The following COL24A1 variants were observed in gnomAD, a reference collection of about 807,000 sequenced individuals.
The protein encoded by COL24A1 is collagen type XXIV alpha 1 chain.
COL24A1 carries 224 observed loss-of-function variants against 253.9 expected under a neutral mutation model. That is an observed-to-expected ratio of 0.88 (90% confidence interval 0.79 to 0.99). The LOEUF is 0.99. COL24A1 is among the 50% of genes least tolerant of loss of function. The pLI, the probability that COL24A1 is intolerant of heterozygous loss-of-function variation, is 0.00. For synonymous variants in COL24A1, 685 were observed against 673.7 expected, an observed-to-expected ratio of 1.02 and a Z score of -0.26; for missense variants, 2,131 against 2,068.5, an observed-to-expected ratio of 1.03 and a Z score of -0.59.
chr1:85,774,086 T>C (rs450145), intron 53 of COL24A1, among the ~76,000 whole-genome samples: 62,751 of 152,004 alleles, frequency 0.41, 13,897 homozygotes, highest in South Asian at 0.58. Flanking sequence ...TGAAAGGCTG[T>C]TGAATTTTGT....
chr1:85,984,114 T>C (rs1460675847), intron 20 of COL24A1, among the ~76,000 whole-genome samples: 1 of 151,844 alleles, frequency 6.6e-6, no homozygotes, highest in Non-Finnish European at 1.5e-5. Context: ...GAGAAGAAAG[T>C]TCTAAAGATC....
intron 8 of COL24A1, among the ~76,000 whole-genome samples, chr1:86,060,399 T>C (rs1571783256): frequency 6.6e-6 from 1 of 152,232 alleles, no homozygotes; most frequent in East Asian, 1.9e-4. Flanking sequence ...AATGATATAA[T>C]GGAAGATAAT....
At position 85,985,184 on chromosome 1, in the gene COL24A1, G is replaced by A. The variant is rs1693612705; in HGVS notation, c.2364+2417C>T. Reference sequence around the variant, plus strand: ...AAAAGAATATTCCAATTAGATTTGGGAGGAACAGAAAAAGCTTCCTGGACA... The same window carrying A: ...AAAAGAATATTCCAATTAGATTTGGAAGGAACAGAAAAAGCTTCCTGGACA... On this transcript the variant is annotated intron_variant, in intron 20 of 59. Coordinates refer to ENST00000370571, the MANE Select transcript of COL24A1 (RefSeq NM_152890.7). Among the ~76,000 whole-genome samples, 7 of 151,800 alleles carry A rather than the reference G, an allele frequency of 4.6e-5. No individual in the cohort carries two copies. In the South Asian group the frequency reaches 1.5e-3, roughly 32 times the overall value.
At chr1:85,920,156 C>T (rs375312909) in intron 24 of COL24A1, among the ~76,000 whole-genome samples, 23 of 152,012 alleles carry the variant, frequency 1.5e-4, no homozygotes, top group East Asian at 9.7e-4. Context: ...ATAAGGTAAA[C>T]GTATATTTTC....
At chr1:85,775,781 T>G (rs571796429) in intron 52 of COL24A1, 72 bp from the exon 53 acceptor site, 2 of 1,265,844 alleles carry the variant, frequency 1.6e-6, no homozygotes, top group Non-Finnish European at 2.2e-6. Flanking sequence ...GAGGTCATTA[T>G]ATGTAGAAAC....
At chr1:85,843,018 C>A (rs983958467) in intron 39 of COL24A1, among the ~76,000 whole-genome samples, 1 of 151,870 alleles carries the variant, frequency 6.6e-6, no homozygotes, top group South Asian at 2.1e-4. Context: ...GTAAAACAAA[C>A]AAACAAACAA....
intron 32 of COL24A1, among the ~76,000 whole-genome samples, chr1:85,887,629 A>G (rs1405790696): frequency 1.3e-5 from 2 of 152,192 alleles, no homozygotes; most frequent in Non-Finnish European, 1.5e-5. Flanking sequence ...AATTTGATTT[A>G]CAGAAGTATA....
At chr1:85,820,906 G>A (rs780197459) in intron 45 of COL24A1, among the ~76,000 whole-genome samples, 9 of 152,154 alleles carry the variant, frequency 5.9e-5, no homozygotes, top group East Asian at 3.8e-4. Context: ...AATATGCAAC[G>A]TTAATACAAA....
intron 20 of COL24A1, among the ~76,000 whole-genome samples, chr1:85,974,605 T>C (rs1177858586): frequency 2.6e-5 from 4 of 152,140 alleles, no homozygotes; most frequent in Non-Finnish European, 4.4e-5. Flanking sequence ...CATTTACCTC[T>C]AAATGCAGAG....
chr1:85,846,814 C>T (rs1343626391), intron 39 of COL24A1, among the ~76,000 whole-genome samples: 2 of 151,710 alleles, frequency 1.3e-5, no homozygotes, highest in African/African-American at 4.8e-5. Context: ...CAGAGAAATG[C>T]TAGTAATTTA....
chr1:85,742,924 T>C (rs1398644366), intron 57 of COL24A1, among the ~76,000 whole-genome samples: 1 of 152,132 alleles, frequency 6.6e-6, no homozygotes, highest in African/African-American at 2.4e-5. Context: ...GCATAAAGCA[T>C]ATTCAAGAAT....
rs1667105021 is a variant in COL24A1, at chr1:85,764,004, T to A, written c.4375-2438A>T. Among the ~76,000 whole-genome samples the A allele has an allele frequency of 2.0e-5, 3 of 152,240 alleles. No individual in the cohort carries two copies. In the South Asian group the frequency reaches 6.2e-4, roughly 32 times the overall value. On this transcript the variant is annotated intron_variant, in intron 53 of 59. Transcript: ENST00000370571. ...TCCTTAAACTTGAGTATGTTAGTCT[T>A]CCTTTTTGTAAATTCTTTTATTTCA...
At chr1:86,119,126 C>G (rs184881966) in intron 3 of COL24A1, among the ~76,000 whole-genome samples, 47 of 152,074 alleles carry the variant, frequency 3.1e-4, no homozygotes, top group Admixed American at 2.4e-3. Context: ...AGACTACTCT[C>G]CCTCCCTCAA....
chr1:85,797,202 C>T (rs59371331), intron 47 of COL24A1, among the ~76,000 whole-genome samples: 4,438 of 117,318 alleles, frequency 0.038, 238 homozygotes, highest in African/African-American at 0.13. Flanking sequence ...AGCGAGACTC[C>T]GTCTCAAAAA....
intron 19 of COL24A1, among the ~76,000 whole-genome samples, chr1:86,009,837 C>T (rs1450058260): frequency 1.3e-5 from 2 of 152,134 alleles, no homozygotes; most frequent in African/African-American, 4.8e-5. Context: ...ACAAATTTTT[C>T]AGTTCTGTTA....
At chr1:86,048,277 C>A (rs1454310084) in intron 11 of COL24A1, among the ~76,000 whole-genome samples, 1 of 152,036 alleles carries the variant, frequency 6.6e-6, no homozygotes, top group Admixed American at 6.6e-5. Flanking sequence ...GAAATGACTT[C>A]TTTCCATTTG....
intron 7 of COL24A1, among the ~76,000 whole-genome samples, chr1:86,079,946 T>C (rs1301616706): frequency 6.6e-6 from 1 of 152,148 alleles, no homozygotes; most frequent in South Asian, 2.1e-4. Flanking sequence ...AAGAAATCAG[T>C]GTATCAAAGA....
chr1:86,106,660 T>C (rs573658174), intron 5 of COL24A1, among the ~76,000 whole-genome samples: 26 of 152,298 alleles, frequency 1.7e-4, no homozygotes, highest in Non-Finnish European at 3.5e-4. Context: ...ATACAGTTCA[T>C]TTAATAGATA....
At chr1:86,076,048 A>G (rs1017375253) in intron 7 of COL24A1, among the ~76,000 whole-genome samples, 7 of 152,212 alleles carry the variant, frequency 4.6e-5, no homozygotes, top group Non-Finnish European at 1.0e-4. Flanking sequence ...GACCAGGGAA[A>G]TCAGGCAAGA....
Sources: allele counts gnomAD v4.1 joint callset (sites outside exome capture counted in the v4.1 genomes callset), GRCh38; gene constraint gnomAD v4.1.1; transcripts MANE v1.5; gene names NCBI Gene and HGNC (gene_info 2026-07-23, HGNC 2026-07-21).